Variants in ADAMTS3 observed in about 807,000 individuals in gnomAD.
ADAMTS3 encodes the protein A disintegrin and metalloproteinase with thrombospondin motifs 3.
In ADAMTS3, 73 loss-of-function variants were observed where a neutral mutation model predicts 129.0. The observed-to-expected ratio is 0.57, with a 90% CI of 0.47 to 0.69. The LOEUF is 0.69. Among genes scored for constraint, ADAMTS3 ranks in the 30% least tolerant of loss-of-function variants. The pLI is 0.00. For missense variants in ADAMTS3, 1,457 were observed against 1,514.5 expected, an observed-to-expected ratio of 0.96 and a Z score of 0.63; for synonymous variants, 477 against 510.8, an observed-to-expected ratio of 0.93 and a Z score of 0.89.
intron 3 of ADAMTS3, among the ~76,000 whole-genome samples, chr4:72,435,732 T>C (rs947164226): frequency 4.6e-5 from 7 of 151,958 alleles, no homozygotes; most frequent in Non-Finnish European, 1.0e-4. Flanking sequence ...TTGACAAACC[T>C]GATAAAAATA....
At chr4:72,328,962 C>T (rs969399613) in intron 5 of ADAMTS3, among the ~76,000 whole-genome samples, 11 of 152,170 alleles carry the variant, frequency 7.2e-5, no homozygotes, top group African/African-American at 2.7e-4. Flanking sequence ...TATTCCTTTT[C>T]CTCAGAAAAC....
intron 3 of ADAMTS3, among the ~76,000 whole-genome samples, chr4:72,478,315 C>T (rs1479126063): frequency 6.6e-6 from 1 of 151,392 alleles, no homozygotes; most frequent in Non-Finnish European, 1.5e-5. Context: ...CAAAACGAAT[C>T]CAGCAGCACA....
intron 4 of ADAMTS3, among the ~76,000 whole-genome samples, chr4:72,356,131 A>C (rs1415205642): frequency 6.6e-6 from 1 of 152,102 alleles, no homozygotes; most frequent in East Asian, 1.9e-4. Context: ...AAATGAGTGA[A>C]CAAATCAGCA....
chr4:72,307,530 T>A (rs1447265402), intron 15 of ADAMTS3, among the ~76,000 whole-genome samples: 1 of 152,042 alleles, frequency 6.6e-6, no homozygotes, highest in Non-Finnish European at 1.5e-5. Flanking sequence ...AGTGGAGGGT[T>A]CATGTTTATC....
chr4:72,479,014 C>A (rs1719339568), intron 3 of ADAMTS3, among the ~76,000 whole-genome samples: 1 of 151,358 alleles, frequency 6.6e-6, no homozygotes, highest in Admixed American at 6.6e-5. Flanking sequence ...TCAAGGAGAA[C>A]TACAAACCAC....
intron 4 of ADAMTS3, among the ~76,000 whole-genome samples, chr4:72,406,401 T>C (rs1186263304): frequency 1.3e-5 from 2 of 152,186 alleles, no homozygotes; most frequent in African/African-American, 4.8e-5. Context: ...TTTTCCTGTT[T>C]TTTTCTTTGT....
chr4:72,516,190 T>A (rs28802585), intron 3 of ADAMTS3, among the ~76,000 whole-genome samples: 47,977 of 151,890 alleles, frequency 0.32, 7,711 homozygotes, highest in Middle Eastern at 0.35. Flanking sequence ...TGTTCCATTG[T>A]TCTATATCTC....
intron 4 of ADAMTS3, among the ~76,000 whole-genome samples, chr4:72,352,479 TC>T: frequency 6.6e-6 from 1 of 152,154 alleles, no homozygotes; most frequent in South Asian, 2.1e-4. Context: ...CACCTTTCTT[TC>T]CTCTCTCTCC....
At chr4:72,398,352 G>T (rs1218014264) in intron 4 of ADAMTS3, among the ~76,000 whole-genome samples, 3 of 151,860 alleles carry the variant, frequency 2.0e-5, no homozygotes, top group African/African-American at 7.3e-5. Context: ...AGGTCAGGAG[G>T]TCAAGACCAG....
At chr4:72,524,404 T>C (rs1410917063) in intron 3 of ADAMTS3, among the ~76,000 whole-genome samples, 1 of 152,100 alleles carries the variant, frequency 6.6e-6, no homozygotes, top group African/African-American at 2.4e-5. Context: ...GCAATAACAG[T>C]GCTATATAAG....
intron 4 of ADAMTS3, among the ~76,000 whole-genome samples, chr4:72,397,112 C>T (rs2109900852): frequency 6.6e-6 from 1 of 152,262 alleles, no homozygotes; most frequent in East Asian, 1.9e-4. Context: ...TCACTCCTCT[C>T]TATACTCCAA....
intron 3 of ADAMTS3, among the ~76,000 whole-genome samples, chr4:72,520,975 G>T (rs1307596915): frequency 6.6e-6 from 1 of 151,538 alleles, no homozygotes; most frequent in Non-Finnish European, 1.5e-5. Context: ...TTCCTATTCG[G>T]CCATCTGGGC....
intron 4 of ADAMTS3, among the ~76,000 whole-genome samples, chr4:72,389,645 C>T (rs1021657288): frequency 2.0e-5 from 3 of 151,956 alleles, no homozygotes; most frequent in South Asian, 2.1e-4. Flanking sequence ...AATGTGCCAA[C>T]GTTAAGAGAA....
At chr4:72,473,906 T>C (rs920353070) in intron 3 of ADAMTS3, among the ~76,000 whole-genome samples, 29 of 152,236 alleles carry the variant, frequency 1.9e-4, no homozygotes, top group African/African-American at 5.8e-4. Flanking sequence ...TTGGAGGCCA[T>C]CCTCAACATG....
intron 3 of ADAMTS3, among the ~76,000 whole-genome samples, chr4:72,531,005 GT>G (rs1402392849): frequency 6.6e-6 from 1 of 150,664 alleles, no homozygotes; most frequent in African/African-American, 2.4e-5. Flanking sequence ...CTGAAATCTT[GT>G]AAACAGAACA....
In ADAMTS3 at chr4:72,432,213, G is replaced by A. The variant is rs553399962; in HGVS notation, c.505-17242C>T. ...AGATTCCAGCCAAGGTGTGTGGCTG[G>A]AAGTGATAAATGCTACTTCTCAGCT... On this transcript the variant is annotated intron_variant, in intron 3 of 21. Transcript: ENST00000286657. 1.1e-4 allele frequency among the ~76,000 whole-genome samples: 17 copies of A among 151,954 alleles called. No individual in the cohort carries two copies. In the South Asian group the frequency reaches 3.1e-3, roughly 28 times the overall value.
chr4:72,506,970 C>T (rs1409801244), intron 3 of ADAMTS3, among the ~76,000 whole-genome samples: 1 of 152,168 alleles, frequency 6.6e-6, no homozygotes, highest in South Asian at 2.1e-4. Context: ...CTCTAATCCA[C>T]CTTCTTCTAA....
At chr4:72,455,843 C>CTATATAGTATATACACTGTATATACTA (rs1718542129) in intron 3 of ADAMTS3, among the ~76,000 whole-genome samples, 1 of 65,654 alleles carries the variant, frequency 1.5e-5, no homozygotes, top group Non-Finnish European at 2.9e-5. Flanking sequence ...AGTGTATATA[C>CTATATAGTATATACACTGTATATACTA]TATATATTTT....
chr4:72,544,317 A>G (rs1721412257), intron 3 of ADAMTS3, among the ~76,000 whole-genome samples: 1 of 152,164 alleles, frequency 6.6e-6, no homozygotes. Flanking sequence ...TGACAACAGT[A>G]AAGTCTCCCT....
Sources: gnomAD v4.1 joint callset for allele counts (sites outside exome capture counted in the v4.1 genomes callset) on GRCh38, gnomAD v4.1.1 for gene constraint, MANE v1.5 for transcripts, NCBI Gene and HGNC (gene_info 2026-07-23, HGNC 2026-07-21) for gene names.